DGKI: variants seen among roughly 807,000 people sequenced by gnomAD.
DGKI encodes DAG kinase iota.
Under a neutral mutation model 147.5 loss-of-function variants are expected in DGKI, and 55 were observed. The observed-to-expected ratio is 0.37, with a 90% confidence interval of 0.30 to 0.47. DGKI has a LOEUF of 0.47. DGKI is among the 20% of genes least tolerant of loss of function. The probability of loss-of-function intolerance (pLI) is 1.00; values close to 1 mark genes in which losing one functional copy is unlikely to be tolerated. For missense variants in DGKI, 1,007 were observed against 1,323.8 expected (o/e 0.76, Z 3.71); for synonymous variants, 469 against 477.1 (o/e 0.98, Z 0.22).
At chr7:137,807,927 C>T (rs374261127) in intron 1 of DGKI, among the ~76,000 whole-genome samples, 1 of 152,168 alleles carries the variant, frequency 6.6e-6, no homozygotes, top group East Asian at 1.9e-4. Context: ...ATTTTTCCTC[C>T]AGAGCGAATA....
intron 28 of DGKI, among the ~76,000 whole-genome samples, chr7:137,428,881 A>C (rs972229985): frequency 1.9e-4 from 29 of 152,080 alleles, no homozygotes; most frequent in African/African-American, 6.0e-4. Flanking sequence ...AACTACAAAC[A>C]ACTGCTCAAT....
At chr7:137,787,917 A>G (rs906527836) in intron 1 of DGKI, among the ~76,000 whole-genome samples, 2 of 152,104 alleles carry the variant, frequency 1.3e-5, no homozygotes, top group Non-Finnish European at 2.9e-5. Context: ...CAAGGGAAAA[A>G]AGACTACACA....
chr7:137,690,468 G>T (rs1040872692), intron 1 of DGKI, among the ~76,000 whole-genome samples: 3 of 152,136 alleles, frequency 2.0e-5, no homozygotes, highest in Admixed American at 2.0e-4. Flanking sequence ...AAAGTTCACT[G>T]TTATTTTGCT....
chr7:137,838,362 T>C (rs561529623), intron 1 of DGKI, among the ~76,000 whole-genome samples: 42 of 152,280 alleles, frequency 2.8e-4, no homozygotes, highest in African/African-American at 9.9e-4. Flanking sequence ...ATAAGGACAA[T>C]GATGAGATCT....
chr7:137,482,060 A>T (rs1366060626), intron 23 of DGKI, among the ~76,000 whole-genome samples: 2 of 152,010 alleles, frequency 1.3e-5, no homozygotes, highest in African/African-American at 4.8e-5. Context: ...TTCTGCACTA[A>T]GAAATAAAAG....
At chr7:137,434,097 T>C (rs948658340) in intron 28 of DGKI, among the ~76,000 whole-genome samples, 16 of 145,152 alleles carry the variant, frequency 1.1e-4, no homozygotes, top group African/African-American at 3.9e-4. Flanking sequence ...ACAGCTTGGG[T>C]GGCACAGTGA....
chr7:137,793,216 A>G (rs1796914871), intron 1 of DGKI, among the ~76,000 whole-genome samples: 1 of 151,700 alleles, frequency 6.6e-6, no homozygotes, highest in Non-Finnish European at 1.5e-5. Context: ...ATCTGCCTTC[A>G]TCTCTAGATA....
intron 28 of DGKI, among the ~76,000 whole-genome samples, chr7:137,422,024 C>G (rs1330495239): frequency 6.6e-6 from 1 of 152,132 alleles, no homozygotes; most frequent in Non-Finnish European, 1.5e-5. Context: ...CTAGTAAACA[C>G]AGCAAAACAC....
chr7:137,701,099 A>G (rs952903711), intron 1 of DGKI, among the ~76,000 whole-genome samples: 1 of 151,974 alleles, frequency 6.6e-6, no homozygotes, highest in Non-Finnish European at 1.5e-5. Flanking sequence ...CCTCACTAGC[A>G]ACTAACTCAT....
chr7:137,453,921 CTTG>C (rs1022826855), intron 27 of DGKI, among the ~76,000 whole-genome samples: 16 of 138,436 alleles, frequency 1.2e-4, no homozygotes, highest in Admixed American at 2.9e-4. Flanking sequence ...CTTGAAATAT[CTTG>C]TTTTTTTTTT....
chr7:137,705,516 A>T (rs1032154126), intron 1 of DGKI, among the ~76,000 whole-genome samples: 1 of 152,186 alleles, frequency 6.6e-6, no homozygotes, highest in Non-Finnish European at 1.5e-5. Context: ...GTTATAGAAC[A>T]GGAAAAACTA....
chr7:137,824,873 T>C (rs1338498711), intron 1 of DGKI, among the ~76,000 whole-genome samples: 1 of 152,218 alleles, frequency 6.6e-6, no homozygotes, highest in African/African-American at 2.4e-5. Context: ...TCCATATGCC[T>C]GCAAAGAACA....
intron 3 of DGKI, among the ~76,000 whole-genome samples, chr7:137,676,030 C>T (rs767439955): frequency 3.3e-5 from 5 of 152,180 alleles, no homozygotes; most frequent in Non-Finnish European, 7.3e-5. Flanking sequence ...ACTCTGGGTC[C>T]TCTGCTGCTT....
chr7:137,458,312 A>G (rs913570015), intron 27 of DGKI, among the ~76,000 whole-genome samples: 1 of 152,202 alleles, frequency 6.6e-6, no homozygotes, highest in Non-Finnish European at 1.5e-5. Context: ...GGTACCAGAT[A>G]CCTGCCTAGA....
chr7:137,772,652 A>G (rs894055078), intron 1 of DGKI, among the ~76,000 whole-genome samples: 1 of 152,368 alleles, frequency 6.6e-6, no homozygotes, highest in Non-Finnish European at 1.5e-5. Flanking sequence ...ATTCAAAAAA[A>G]AAGAAGAAGA....
chr7:137,498,440 T>C (rs1013485833), intron 21 of DGKI, among the ~76,000 whole-genome samples: 1 of 152,078 alleles, frequency 6.6e-6, no homozygotes, highest in African/African-American at 2.4e-5. Flanking sequence ...AAATGATTCA[T>C]CAAATGCCAA....
At chr7:137,489,478 T>C (rs764834872) in intron 21 of DGKI, among the ~76,000 whole-genome samples, 14 of 152,166 alleles carry the variant, frequency 9.2e-5, no homozygotes, top group Non-Finnish European at 1.9e-4. Flanking sequence ...ATGGCAATCA[T>C]GCATCTTTGC....
intron 17 of DGKI, among the ~76,000 whole-genome samples, chr7:137,574,373 A>T (rs1484301954): frequency 6.6e-6 from 1 of 152,220 alleles, no homozygotes; most frequent in Non-Finnish European, 1.5e-5. Context: ...GCCAATGAAT[A>T]AAAAAGTAGA....
chr7:137,638,462 GTGTGTATA>G (rs1821420893), intron 6 of DGKI, among the ~76,000 whole-genome samples: 2 of 19,730 alleles, frequency 1.0e-4, no homozygotes, highest in South Asian at 1.4e-3. Flanking sequence ...ACATATATAT[GTGTGTATA>G]TATGTGTGTA....
Sources: gnomAD v4.1 joint callset for allele counts (sites outside exome capture counted in the v4.1 genomes callset) on GRCh38, gnomAD v4.1.1 for gene constraint, MANE v1.5 for transcripts, NCBI Gene and HGNC (gene_info 2026-07-23, HGNC 2026-07-21) for gene names.